The following HPSE2 variants were observed in gnomAD, a reference collection of about 807,000 sequenced individuals.
HPSE2 encodes inactive heparanase-2.
HPSE2 carries 38 observed loss-of-function variants against 60.5 expected under a neutral mutation model. The ratio of observed to expected loss-of-function variants is 0.63; its 90% CI spans 0.48 to 0.82. HPSE2 has a LOEUF of 0.82. Among genes scored for constraint, HPSE2 ranks in the 40% least tolerant of loss-of-function variants. The pLI is 0.00. For synonymous variants in HPSE2, 295 were observed against 293.2 expected, an observed-to-expected ratio of 1.01 and a Z score of -0.06; for missense variants, 713 against 740.4, an observed-to-expected ratio of 0.96 and a Z score of 0.43.
intron 1 of HPSE2, 102 bp downstream of exon 1, chr10:99,235,411 C>T: frequency 9.1e-7 from 1 of 1,097,208 alleles, no homozygotes; most frequent in Non-Finnish European, 1.4e-6. Context: ...GAGAGATCTG[C>T]TTGGCTTATT....
chr10:98,963,650 T>C (rs939392268), intron 3 of HPSE2, among the ~76,000 whole-genome samples: 2 of 152,182 alleles, frequency 1.3e-5, no homozygotes, highest in Non-Finnish European at 2.9e-5. Flanking sequence ...TACGTAAGTA[T>C]GGTTACAAAT....
chr10:99,160,211 TAAAG>T (rs1393985013), intron 2 of HPSE2, among the ~76,000 whole-genome samples: 1 of 151,424 alleles, frequency 6.6e-6, no homozygotes, highest in Non-Finnish European at 1.5e-5. Flanking sequence ...AAAATATATA[TAAAG>T]AATGTTTTAC....
the HPSE2 span, among the ~76,000 whole-genome samples, chr10:99,299,142 C>T: frequency 2.0e-5 from 3 of 152,134 alleles, no homozygotes; most frequent in Admixed American, 1.3e-4. Context: ...GAGCCTCCCC[C>T]CTCCCCTAGT....
At chr10:99,291,058 T>A in the HPSE2 span, among the ~76,000 whole-genome samples, 96 of 152,294 alleles carry the variant, frequency 6.3e-4, no homozygotes, top group Non-Finnish European at 1.1e-3. Flanking sequence ...AAGTGAACCA[T>A]GAAGAAGCCC....
chr10:98,656,761 GTT>G (rs1395202438), intron 6 of HPSE2, among the ~76,000 whole-genome samples: 44 of 138,746 alleles, frequency 3.2e-4, no homozygotes, highest in East Asian at 1.0e-3. Context: ...CAGCTGATAG[GTT>G]TTTTTTTTTT....
At chr10:99,251,469 A>G in the HPSE2 span, among the ~76,000 whole-genome samples, 253 of 152,298 alleles carry the variant, frequency 1.7e-3, 2 homozygotes, top group African/African-American at 5.9e-3. Context: ...ATCGAGGAGG[A>G]GGGACTCCTC....
intron 3 of HPSE2, among the ~76,000 whole-genome samples, chr10:99,115,342 G>C (rs1225501325): frequency 6.6e-6 from 1 of 152,118 alleles, no homozygotes; most frequent in Non-Finnish European, 1.5e-5. Flanking sequence ...TTTTAGTAGA[G>C]ACGGGGTTTC....
the HPSE2 span, among the ~76,000 whole-genome samples, chr10:99,282,841 G>A: frequency 2.0e-5 from 3 of 152,152 alleles, no homozygotes; most frequent in South Asian, 2.1e-4. Flanking sequence ...CAAAACTTAC[G>A]AGATGCAGCA....
chr10:99,220,424 T>C (rs927104747), intron 2 of HPSE2, among the ~76,000 whole-genome samples: 1 of 152,174 alleles, frequency 6.6e-6, no homozygotes, highest in Non-Finnish European at 1.5e-5. Context: ...CTATATACTT[T>C]AAAATGTATA....
At chr10:98,905,312 C>T (rs1391002905) in intron 3 of HPSE2, among the ~76,000 whole-genome samples, 1 of 142,464 alleles carries the variant, frequency 7.0e-6, no homozygotes, top group African/African-American at 2.5e-5. Context: ...CCTCCCCCCT[C>T]CCCCGACCCC....
At chr10:98,719,701 TAAAAAAA>T (rs562725586) in intron 5 of HPSE2, among the ~76,000 whole-genome samples, 2 of 107,278 alleles carry the variant, frequency 1.9e-5, no homozygotes, top group Non-Finnish European at 3.8e-5. Context: ...GATGTTGCAT[TAAAAAAA>T]AAAAAAAAAA....
chr10:98,493,625 T>A (rs1260684307), intron 9 of HPSE2, among the ~76,000 whole-genome samples: 1 of 152,192 alleles, frequency 6.6e-6, no homozygotes, highest in Non-Finnish European at 1.5e-5. Context: ...TCTCTTTTGG[T>A]TACTATTTTT....
intron 2 of HPSE2, among the ~76,000 whole-genome samples, chr10:99,156,064 T>C (rs1361567326): frequency 4.0e-5 from 6 of 149,016 alleles, no homozygotes; most frequent in Admixed American, 3.4e-4. Context: ...AAGTTGAATC[T>C]CTGAATAGAC....
intron 3 of HPSE2, among the ~76,000 whole-genome samples, chr10:98,773,031 C>T (rs1950273044): frequency 6.6e-6 from 1 of 152,158 alleles, no homozygotes; most frequent in South Asian, 2.1e-4. Context: ...TTAACTTCTA[C>T]TTCACTTGCC....
At chr10:99,143,583 T>G (rs1845943278) in intron 3 of HPSE2, among the ~76,000 whole-genome samples, 1 of 152,220 alleles carries the variant, frequency 6.6e-6, no homozygotes, top group Non-Finnish European at 1.5e-5. Context: ...AAATCCTTAA[T>G]GATTCTCACA....
intron 2 of HPSE2, among the ~76,000 whole-genome samples, chr10:99,213,135 T>A (rs1161266847): frequency 1.3e-5 from 2 of 152,152 alleles, no homozygotes; most frequent in African/African-American, 4.8e-5. Context: ...ATACTCGAAC[T>A]AAAAGAAACA....
chr10:98,652,706 T>A (rs778668534), intron 6 of HPSE2, among the ~76,000 whole-genome samples: 1 of 152,224 alleles, frequency 6.6e-6, no homozygotes, highest in Non-Finnish European at 1.5e-5. Flanking sequence ...GAGACCTTCA[T>A]CTGTTCAGCC....
chr10:98,686,717 C>T (rs552980072), intron 6 of HPSE2, among the ~76,000 whole-genome samples: 2 of 152,240 alleles, frequency 1.3e-5, no homozygotes, highest in South Asian at 4.1e-4. Flanking sequence ...TTATTTATTT[C>T]CAAATATTTA....
chr10:98,594,296 C>T (rs748426477), intron 9 of HPSE2, among the ~76,000 whole-genome samples: 3 of 151,956 alleles, frequency 2.0e-5, no homozygotes, highest in African/African-American at 4.8e-5. Flanking sequence ...TTCCCTACCC[C>T]GCCTCCCCTT....
Sources: allele counts gnomAD v4.1 joint callset (sites outside exome capture counted in the v4.1 genomes callset), GRCh38; gene constraint gnomAD v4.1.1; transcripts MANE v1.5; gene names NCBI Gene and HGNC (gene_info 2026-07-23, HGNC 2026-07-21).